The following SYNPR variants were observed in gnomAD, a reference collection of about 807,000 sequenced individuals.
SYNPR encodes the protein synaptoporin.
In SYNPR, 23 loss-of-function variants were observed where a neutral mutation model predicts 32.9. The ratio of observed to expected loss-of-function variants is 0.70; its 90% CI spans 0.50 to 0.99. The LOEUF (loss-of-function observed/expected upper bound fraction) is 0.99. Among genes scored for constraint, SYNPR ranks in the 50% least tolerant of loss-of-function variants. The probability of loss-of-function intolerance (pLI) is 0.00; values close to 1 mark genes in which losing one functional copy is unlikely to be tolerated. For missense variants in SYNPR, 318 were observed against 349.3 expected (o/e 0.91, Z 0.71); for synonymous variants, 146 against 135.9 (o/e 1.07, Z -0.52).
chr3:63,282,292 A>AT (rs2086637679), intron 2 of SYNPR, among the ~76,000 whole-genome samples: 1 of 152,326 alleles, frequency 6.6e-6, no homozygotes, highest in African/African-American at 2.4e-5. Flanking sequence ...GATGCATATC[A>AT]TTTTTCTATA....
In SYNPR at chr3:63,586,818, G is replaced by T. The variant is rs1413679996; in HGVS notation, c.409-22307G>T. Reference sequence around the variant, plus strand: ...ACCTCACAGTGCTTTTTGCAATGTAGCAACATGATCAAGGCATTCCTTGAT... The same window carrying T: ...ACCTCACAGTGCTTTTTGCAATGTATCAACATGATCAAGGCATTCCTTGAT... On this transcript the variant is annotated intron_variant, in intron 4 of 5. Transcript: ENST00000478300. 2.6e-5 allele frequency among the ~76,000 whole-genome samples: 4 copies of T among 151,900 alleles called. No homozygotes were observed. The East Asian group carries it at 7.8e-4, about 29-fold the overall frequency.
chr3:63,345,290 T>C (rs1160511507), intron 2 of SYNPR, among the ~76,000 whole-genome samples: 3 of 152,242 alleles, frequency 2.0e-5, no homozygotes, highest in Non-Finnish European at 4.4e-5. Flanking sequence ...AAATCATAAA[T>C]AGCATTCCTT....
At chr3:63,372,339 C>G (rs1432006106) in intron 2 of SYNPR, among the ~76,000 whole-genome samples, 1 of 151,894 alleles carries the variant, frequency 6.6e-6, no homozygotes, top group Non-Finnish European at 1.5e-5. Flanking sequence ...CTGAACATTT[C>G]CAGTAGCAAT....
At chr3:63,364,485 T>C (rs1303420910) in intron 2 of SYNPR, among the ~76,000 whole-genome samples, 1 of 152,178 alleles carries the variant, frequency 6.6e-6, no homozygotes, top group Non-Finnish European at 1.5e-5. Context: ...AAAATTTGGC[T>C]TCGAATAGTC....
At chr3:63,553,761 G>A (rs1032675550) in intron 3 of SYNPR, among the ~76,000 whole-genome samples, 1 of 152,032 alleles carries the variant, frequency 6.6e-6, no homozygotes, top group Non-Finnish European at 1.5e-5. Context: ...CGCTCTTGTT[G>A]CCCAGGCTGG....
chr3:63,504,605 C>T (rs760722592), intron 3 of SYNPR, among the ~76,000 whole-genome samples: 1 of 152,088 alleles, frequency 6.6e-6, no homozygotes, highest in South Asian at 2.1e-4. Flanking sequence ...TATGCATTTA[C>T]ACTGAACAAC....
At chr3:63,435,445 G>T (rs1281483027) in intron 2 of SYNPR, among the ~76,000 whole-genome samples, 1 of 152,214 alleles carries the variant, frequency 6.6e-6, no homozygotes, top group Non-Finnish European at 1.5e-5. Context: ...CATTACGTAA[G>T]TGGTTCTCCA....
At chr3:63,271,994 A>G (rs2086540336) in intron 3 of SYNPR, among the ~76,000 whole-genome samples, 1 of 152,186 alleles carries the variant, frequency 6.6e-6, no homozygotes, top group Non-Finnish European at 1.5e-5. Flanking sequence ...GGGAACAAGT[A>G]AGAAATGAGA....
At chr3:63,243,320 C>T (rs72876402) in intron 1 of SYNPR, among the ~76,000 whole-genome samples, 1 of 151,674 alleles carries the variant, frequency 6.6e-6, no homozygotes, top group African/African-American at 2.4e-5. Flanking sequence ...TTAAGGCTAC[C>T]AAAATTAAAA....
intron 2 of SYNPR, among the ~76,000 whole-genome samples, chr3:63,398,222 T>G (rs1396726924): frequency 6.6e-6 from 1 of 152,182 alleles, no homozygotes; most frequent in Admixed American, 6.5e-5. Context: ...ACAAAGTAAC[T>G]GCATAGATAG....
intron 2 of SYNPR, among the ~76,000 whole-genome samples, chr3:63,288,300 C>T (rs557429228): frequency 7.2e-5 from 11 of 152,288 alleles, no homozygotes; most frequent in South Asian, 4.1e-4. Context: ...GCGATCATGA[C>T]GATCCTTTAA....
At position 63,336,212 on chromosome 3, in the gene SYNPR, T is replaced by C. The variant is rs185663567; in HGVS notation, c.84+57470T>C. Among the ~76,000 whole-genome samples, 4 of 152,110 alleles carry C rather than the reference T, an allele frequency of 2.6e-5. No homozygotes were observed. In the East Asian group the frequency reaches 7.7e-4, roughly 29 times the overall value. Reference sequence around the variant, plus strand: ...GGTAAAATAATTATAAAAGAGTATGTATAATATTTTCTAGAGGATACAACT... The same window carrying C: ...GGTAAAATAATTATAAAAGAGTATGCATAATATTTTCTAGAGGATACAACT... On this transcript the variant is annotated intron_variant, in intron 2 of 5. Coordinates refer to ENST00000478300, the MANE Select transcript of SYNPR (RefSeq NM_001130003.2).
At chr3:63,387,662 CA>C (rs1307433987) in intron 2 of SYNPR, among the ~76,000 whole-genome samples, 1 of 152,142 alleles carries the variant, frequency 6.6e-6, no homozygotes, top group African/African-American at 2.4e-5. Context: ...CTACAGAGGT[CA>C]AGTTGAACCA....
chr3:63,592,024 T>C (rs1699838553), intron 4 of SYNPR, among the ~76,000 whole-genome samples: 2 of 151,908 alleles, frequency 1.3e-5, no homozygotes. Context: ...AAGGATCTCA[T>C]AATGAGATCA....
chr3:63,610,642 T>C (rs376400133), intron 5 of SYNPR: 1 of 531,470 alleles, frequency 1.9e-6, no homozygotes, highest in African/African-American at 1.9e-5. Context: ...ATGAACACTT[T>C]GAGGTATACG....
rs79557897 is a variant in SYNPR at position 63,430,157 on chromosome 3, C to T, written c.85-50675C>T. On this transcript the variant is annotated intron_variant, in intron 2 of 5. Coordinates refer to ENST00000478300, the MANE Select transcript of SYNPR (RefSeq NM_001130003.2). ...GTGAAGGAAGTACAGATATGCATGACCTGAGTGAATAAATAAAATGCATCC... is the reference window on the plus strand; with the variant it reads ...GTGAAGGAAGTACAGATATGCATGATCTGAGTGAATAAATAAAATGCATCC... Among the ~76,000 whole-genome samples, 212 of 152,158 alleles carry T rather than the reference C, an allele frequency of 1.4e-3. 3 individuals are homozygous for T. In the East Asian group the frequency reaches 0.033, roughly 24 times the overall value.
chr3:63,231,262 A>G (rs1472434648), intron 1 of SYNPR, among the ~76,000 whole-genome samples: 1 of 152,018 alleles, frequency 6.6e-6, no homozygotes, highest in Admixed American at 6.6e-5. Context: ...AACCACTTAT[A>G]AGTGGGAGCT....
chr3:63,259,353 C>G (rs1391214001), intron 2 of SYNPR, among the ~76,000 whole-genome samples: 1 of 152,194 alleles, frequency 6.6e-6, no homozygotes, highest in African/African-American at 2.4e-5. Context: ...AATCCAGCAG[C>G]ACATCAAAAA....
At position 63,354,716 on chromosome 3, in the gene SYNPR, C is replaced by T. The variant is rs72881878; in HGVS notation, c.84+75974C>T. Among the ~76,000 whole-genome samples the T allele has an allele frequency of 9.9e-3, 1,512 of 152,234 alleles. 18 individuals carry two copies. Among genetic ancestry groups the T allele is most frequent in the African/African-American group, 0.034 (1,411 of 41,512 alleles). On this transcript the variant is annotated intron_variant, in intron 2 of 5. Transcript: ENST00000478300. ...ACGCCTGACATAGTAAATACTATAT[C>T]AACTCTTGCTTTTCATCATTATTCT...
Sources: allele counts gnomAD v4.1 joint callset (sites outside exome capture counted in the v4.1 genomes callset), GRCh38; gene constraint gnomAD v4.1.1; transcripts MANE v1.5; gene names NCBI Gene and HGNC (gene_info 2026-07-23, HGNC 2026-07-21).